Variants in ELOA observed in about 807,000 individuals in gnomAD.
ELOA encodes elongin A.
ELOA carries 15 observed loss-of-function variants against 85.2 expected under a neutral mutation model. That is an observed-to-expected ratio of 0.18 (90% CI 0.12 to 0.27). The LOEUF is 0.27. ELOA is among the 10% of genes least tolerant of loss of function. ELOA has a pLI of 1.00. For missense variants in ELOA, 769 were observed against 952.7 expected (o/e 0.81, Z 2.54); for synonymous variants, 348 against 357.2 (o/e 0.97, Z 0.29).
rs961675769 is a variant in ELOA at position 23,751,706 on chromosome 1, C to A, written c.1101C>A (p.Asn367Lys). 1.5e-5 allele frequency: 24 copies of A among 1,614,034 alleles called. No homozygotes were observed. Among genetic ancestry groups the A allele is most frequent in the Non-Finnish European group, 1.9e-5 (23 of 1,180,048 alleles). ...CCAAGGTAAAAGAGAAGGGTTCTAA[C>A]AACCTAAAGACTCCAGAAGGGAAAG... ...LLPKVKEKGS[N>K]NLKTPEGKVK... The change falls in exon 4 of 11, where the codon AAC (asparagine) becomes AAA (lysine). Residue 367 changes from asparagine (N) to lysine (K), a missense_variant. Transcript: ENST00000613537.
Position 23,751,587 on chromosome 1 carries a change from C to T in ELOA, c.982C>T (p.Pro328Ser). The change falls in exon 4 of 11, where the codon CCA becomes TCA. Residue 328 changes from proline to serine, a missense_variant. Transcript: ENST00000613537. ...EAASDNHLKKPKHRDPEKAKL... is the reference protein window; with the variant it reads ...EAASDNHLKKSKHRDPEKAKL... The stretch of plus-strand genomic sequence containing the variant: ...CGCTTCAGACAACCACCTGAAAAAG[C>T]CAAAGCACAGAGACCCAGAGAAAGC... 2.5e-6 allele frequency: 4 copies of T among 1,614,128 alleles called. No homozygotes were observed. Among genetic ancestry groups the T allele is most frequent in the East Asian group, 2.2e-5 (1 of 44,878 alleles).
In ELOA at chr1:23,751,095, A is replaced by T; in HGVS notation, c.490A>T (p.Thr164Ser). Residue 164 changes from threonine to serine, a missense_variant, in exon 4 of 11, where the codon ACT becomes TCT. Transcript: ENST00000613537. ...ERKRCHRMSP[T>S]YSSDPESSDY... is the part of the protein sequence containing the mutation. ...AAAGAGGTGTCACAGAATGTCACCA[A>T]CTTACTCTTCAGACCCTGAGTCTTC... 6.2e-7 allele frequency: 1 copy of T among 1,614,112 alleles called. No individual in the cohort carries two copies.
At chr1:23,747,517 C>A (rs1644752337) in intron 1 of ELOA, among the ~76,000 whole-genome samples, 1 of 152,186 alleles carries the variant, frequency 6.6e-6, no homozygotes, top group Non-Finnish European at 1.5e-5. Flanking sequence ...ATATTCCCAA[C>A]CTACCCCTTC....
At chr1:23,747,882 T>C (rs1340634994) in intron 1 of ELOA, among the ~76,000 whole-genome samples, 1 of 152,208 alleles carries the variant, frequency 6.6e-6, no homozygotes, top group Non-Finnish European at 1.5e-5. Flanking sequence ...GCATACCAAT[T>C]ATAGTCTGGG....
chr1:23,748,628 G>A (rs1176443384), intron 1 of ELOA, among the ~76,000 whole-genome samples: 2 of 152,106 alleles, frequency 1.3e-5, no homozygotes, highest in Non-Finnish European at 2.9e-5. Flanking sequence ...TCTGTGCCAG[G>A]TCCATGGGTA....
At chr1:23,754,559 A>C (rs1644786403) in intron 7 of ELOA, 99 bp downstream of exon 7, 1 of 924,650 alleles carries the variant, frequency 1.1e-6, no homozygotes, top group Non-Finnish European at 1.7e-6. Flanking sequence ...AGGGCAGATC[A>C]GTGGTCAGAG....
chr1:23,743,488 C>G lies in ELOA; in HGVS notation c.-16C>G. ...GCGAGCCCAGTTCCGGCGAGGAGGC[C>G]GCGCCAGTGACAGCGATGGCGGCGG... On this transcript the variant is annotated 5_prime_UTR_variant, in exon 1 of 11. Coordinates refer to ENST00000613537, the MANE Select transcript of ELOA (RefSeq NM_003198.3). 1 of 1,504,704 alleles carries G rather than the reference C, an allele frequency of 6.6e-7. No homozygotes were observed. The highest frequency in any genetic ancestry group is 8.8e-7 in the Non-Finnish European group (1 of 1,132,448). The allele number at this position is 1,504,704 out of a possible 1,614,324, so 93.2% of individuals were successfully genotyped here.
At chr1:23,754,294 T>G (rs749868254) in intron 6 of ELOA, 39 bp downstream of exon 6, 1 of 1,612,678 alleles carries the variant, frequency 6.2e-7, no homozygotes, top group South Asian at 1.1e-5. Context: ...AAGCACATTG[T>G]AGCACTTGGA....
In ELOA at chr1:23,752,436, C is replaced by T. The variant is rs867932008; in HGVS notation, c.1455C>T (p.Asp485=). ...CTGATGTGTTGCCAGTGTTGCCAGA[C>T]CTCCCGTTACCCGCGATACAGGCCA... is the stretch of plus-strand genomic sequence containing the variant. ...KVPDVLPVLP[D]LPLPAIQANY... is the part of the protein sequence containing the mutation. The change falls in exon 5 of 11, where the codon GAC becomes GAT. Residue 485 remains aspartate (D), a synonymous_variant. Transcript: ENST00000613537. 1.2e-6 allele frequency: 2 copies of T among 1,614,150 alleles called. No homozygotes were observed. The highest frequency in any genetic ancestry group is 1.3e-5 in the African/African-American group (1 of 75,052).
chr1:23,744,943 T>G (rs1032782962), intron 1 of ELOA, among the ~76,000 whole-genome samples: 1 of 152,148 alleles, frequency 6.6e-6, no homozygotes, highest in African/African-American at 2.4e-5. Flanking sequence ...CGTCATTCTT[T>G]GGGGTTTTTT....
intron 3 of ELOA, among the ~76,000 whole-genome samples, chr1:23,750,264 C>T (rs1000578846): frequency 6.7e-5 from 10 of 150,220 alleles, no homozygotes; most frequent in Non-Finnish European, 1.5e-4. Context: ...CAAGCTCCGC[C>T]TCCCAGGTTC....
chr1:23,750,170 C>CTTTTTTT, intron 3 of ELOA, among the ~76,000 whole-genome samples: 929 of 90,478 alleles, frequency 0.01, 10 homozygotes, highest in Non-Finnish European at 0.013. Context: ...TGGTACGTTT[C>CTTTTTTT]TTTTTTTTTT....
rs1638281822 is a variant in ELOA at position 23,760,751 on chromosome 1, G to A, written c.*1178G>A. On this transcript the variant is annotated 3_prime_UTR_variant, in exon 11 of 11. Transcript: ENST00000613537. ...AGGCAGGATTTGGAGGGAAGGACCA[G>A]CTTAGGGAGAGTGTCTGAGCCACAG... The A allele has an allele frequency of 6.6e-6, 1 of 152,198 alleles. No homozygotes were observed. Among genetic ancestry groups the A allele is most frequent in the Non-Finnish European group, 1.5e-5 (1 of 68,074 alleles). 9.4% of individuals were successfully genotyped at this position (152,198 alleles called of 1,614,324 possible). A position where few individuals can be genotyped will look rare whatever the true frequency, so the allele number is the denominator to read the frequency against.
In ELOA at chr1:23,759,590, G is replaced by A. The variant is rs555529960; in HGVS notation, c.*17G>A. ...CGACGATAAACTGAGGACTTGCCTT[G>A]GAAATGGAATCTGGGGAGGCAGGAA... On this transcript the variant is annotated 3_prime_UTR_variant, in exon 11 of 11. Transcript: ENST00000613537. The A allele has an allele frequency of 6.2e-7, 1 of 1,613,964 alleles. No individual in the cohort carries two copies. Among genetic ancestry groups the A allele is most frequent in the East Asian group, 2.2e-5 (1 of 44,888 alleles).
At position 23,751,817 on chromosome 1, in the gene ELOA, C is replaced by G. The variant is rs1644772688; in HGVS notation, c.1212C>G (p.Thr404=). 6.2e-7 allele frequency: 1 copy of G among 1,614,102 alleles called. No individual in the cohort carries two copies. Among genetic ancestry groups the G allele is most frequent in the Non-Finnish European group, 8.5e-7 (1 of 1,180,036 alleles). The change falls in exon 4 of 11, where the codon ACC becomes ACG. Residue 404 remains threonine, a synonymous_variant. Transcript: ENST00000613537. ...TGGAGGATGAATTCGAGCAGCCAAC[C>G]ATGTCTTTTGAATCCTACCTCAGCT... ...TDMEDEFEQP[T]MSFESYLSYD...
Position 23,750,915 on chromosome 1 carries a change from AAGG to A in ELOA, c.319_321del (p.Glu107del), listed in dbSNP as rs746776700. ...AAAGCGCCCTCGGGATGCCCTGCAG[AAGG>A]AGGAGGAGATGGAGGGGGACTACCA... On this transcript the variant is annotated inframe_deletion, in exon 4 of 11. Transcript: ENST00000613537. 44 of 1,613,788 alleles carry A rather than the reference AAGG, an allele frequency of 2.7e-5. No individual in the cohort carries two copies. In the South Asian group the frequency reaches 4.0e-4, roughly 15 times the overall value.
chr1:23,757,923 C>A (rs900629861), intron 10 of ELOA, among the ~76,000 whole-genome samples: 4 of 151,782 alleles, frequency 2.6e-5, no homozygotes, highest in African/African-American at 9.7e-5. Flanking sequence ...TGCCTATAAT[C>A]TCAGGTACTC....
intron 10 of ELOA, among the ~76,000 whole-genome samples, chr1:23,757,671 T>C (rs1644801033): frequency 6.6e-6 from 1 of 152,124 alleles, no homozygotes; most frequent in African/African-American, 2.4e-5. Context: ...CCTAATTTTT[T>C]CTATTTTTTA....
Position 23,755,971 on chromosome 1 carries a change from G to C in ELOA, c.1920G>C (p.Arg640=). The C allele has an allele frequency of 6.2e-7, 1 of 1,613,904 alleles. No homozygotes were observed. Among genetic ancestry groups the C allele is most frequent in the Non-Finnish European group, 8.5e-7 (1 of 1,179,980 alleles). ...GGCTTCAGGACGCCCGAGAGCAGCG[G>C]CTACGAGTACTAACAAAGAATATCC... ...YLRLQDAREQ[R]LRVLTKNIQF... Residue 640 remains arginine, a synonymous_variant, in exon 8 of 11, where the codon CGG becomes CGC. Transcript: ENST00000613537.
Sources: allele counts gnomAD v4.1 joint callset (sites outside exome capture counted in the v4.1 genomes callset), GRCh38; gene constraint gnomAD v4.1.1; transcripts MANE v1.5; gene names NCBI Gene and HGNC (gene_info 2026-07-23, HGNC 2026-07-21).